The following CDK7 variants were observed in gnomAD, a reference collection of about 807,000 sequenced individuals.
The protein encoded by CDK7 is cyclin dependent kinase 7, also known as cyclin-dependent kinase 7.
Under a neutral mutation model 49.1 loss-of-function variants are expected in CDK7, and 25 were observed. The observed-to-expected ratio is 0.51, with a 90% confidence interval of 0.37 to 0.71. CDK7 has a LOEUF of 0.71. CDK7 is among the 30% of genes least tolerant of loss of function. The probability of loss-of-function intolerance (pLI) is 0.00; values close to 1 mark genes in which losing one functional copy is unlikely to be tolerated. For missense variants in CDK7, 316 were observed against 411.7 expected (o/e 0.77, Z 2.01); for synonymous variants, 107 against 140.0 (o/e 0.76, Z 1.67).
intron 8 of CDK7, among the ~76,000 whole-genome samples, chr5:69,267,483 A>T (rs1337312536): frequency 6.6e-6 from 1 of 151,524 alleles, no homozygotes; most frequent in African/African-American, 2.4e-5. Flanking sequence ...ATTTTTTAGT[A>T]AAAATGGTTT....
chr5:69,235,198 C>T (rs773886851), intron 1 of CDK7, 157 bp downstream of exon 1: 1 of 779,894 alleles, frequency 1.3e-6, no homozygotes, highest in Non-Finnish European at 2.2e-6. Flanking sequence ...TTCTTTACAT[C>T]CTGGGGGTGA....
intron 2 of CDK7, chr5:69,250,731 AT>A (rs1353331570): frequency 2.2e-6 from 1 of 455,952 alleles, no homozygotes; most frequent in Non-Finnish European, 4.4e-6. Flanking sequence ...CTTCCCTCTC[AT>A]TTTCTCAAAC....
intron 4 of CDK7, among the ~76,000 whole-genome samples, chr5:69,255,080 C>T (rs1462807282): frequency 6.6e-6 from 1 of 152,110 alleles, no homozygotes; most frequent in Non-Finnish European, 1.5e-5. Flanking sequence ...TAGTGCCTAC[C>T]ATAGAAAATG....
At chr5:69,254,104 A>AAAAT (rs1383987497) in intron 3 of CDK7, among the ~76,000 whole-genome samples, 1 of 152,206 alleles carries the variant, frequency 6.6e-6, no homozygotes, top group African/African-American at 2.4e-5. Context: ...CATCTCAAAA[A>AAAAT]AAATAAATAA....
At chr5:69,269,765 T>A (rs1037305926) in intron 9 of CDK7, among the ~76,000 whole-genome samples, 3 of 151,328 alleles carry the variant, frequency 2.0e-5, no homozygotes, top group African/African-American at 7.3e-5. Context: ...TTATTTTTTT[T>A]AATAGAGATG....
chr5:69,271,076 A>C (rs965711612), intron 9 of CDK7, among the ~76,000 whole-genome samples: 2 of 152,230 alleles, frequency 1.3e-5, no homozygotes, highest in African/African-American at 4.8e-5. Context: ...ACTGTTTTAC[A>C]TTCTCATCAG....
intron 9 of CDK7, among the ~76,000 whole-genome samples, chr5:69,271,250 G>A (rs1292525381): frequency 6.6e-6 from 1 of 151,966 alleles, no homozygotes. Flanking sequence ...GTGGTTATTT[G>A]CCATCTTTAG....
At chr5:69,251,028 C>T (rs887354377) in intron 2 of CDK7, among the ~76,000 whole-genome samples, 1 of 151,812 alleles carries the variant, frequency 6.6e-6, no homozygotes, top group Non-Finnish European at 1.5e-5. Context: ...CTCCTGGGCT[C>T]AAGCAATCCT....
At chr5:69,246,388 G>A (rs750723498) in intron 2 of CDK7, among the ~76,000 whole-genome samples, 10 of 151,992 alleles carry the variant, frequency 6.6e-5, no homozygotes, top group African/African-American at 2.4e-4. Context: ...GCCCGCCTCC[G>A]CCTTCCAAAG....
chr5:69,249,279 G>A (rs1438517789), intron 2 of CDK7, among the ~76,000 whole-genome samples: 1 of 152,090 alleles, frequency 6.6e-6, no homozygotes, highest in Admixed American at 6.6e-5. Flanking sequence ...AGTGGCTCAT[G>A]CCTGTAATCC....
At chr5:69,271,636 T>G (rs981535774) in intron 9 of CDK7, among the ~76,000 whole-genome samples, 2 of 151,838 alleles carry the variant, frequency 1.3e-5, no homozygotes, top group East Asian at 1.9e-4. Flanking sequence ...CTCAGCCTCT[T>G]GAGTAGCTGG....
intron 9 of CDK7, 110 bp downstream of exon 9, chr5:69,269,403 A>C (rs1751378521): frequency 1.5e-6 from 1 of 684,272 alleles, no homozygotes; most frequent in South Asian, 2.2e-5. Flanking sequence ...CATTCATTAT[A>C]ATATGTACTC....
At chr5:69,265,452 G>GAA (rs1751090354) in intron 8 of CDK7, among the ~76,000 whole-genome samples, 1 of 151,960 alleles carries the variant, frequency 6.6e-6, no homozygotes, top group African/African-American at 2.4e-5. Flanking sequence ...ACATAGAAAA[G>GAA]AAAATAAAGT....
intron 5 of CDK7, among the ~76,000 whole-genome samples, chr5:69,257,201 G>C (rs1750546091): frequency 6.6e-6 from 1 of 152,136 alleles, no homozygotes. Flanking sequence ...AAGTACAGAG[G>C]GGCCTCAGGG....
intron 2 of CDK7, among the ~76,000 whole-genome samples, chr5:69,236,809 G>A (rs1013559002): frequency 1.3e-5 from 2 of 151,424 alleles, no homozygotes; most frequent in Non-Finnish European, 1.5e-5. Flanking sequence ...CTGCCACCAC[G>A]CCCAGCTAAT....
intron 2 of CDK7, among the ~76,000 whole-genome samples, chr5:69,249,659 C>T (rs971604594): frequency 2.0e-5 from 3 of 152,130 alleles, no homozygotes; most frequent in African/African-American, 7.2e-5. Context: ...CCAGCCTGAC[C>T]AACATGGTGA....
intron 9 of CDK7, among the ~76,000 whole-genome samples, chr5:69,272,216 A>G (rs1301515254): frequency 6.6e-6 from 1 of 152,124 alleles, no homozygotes; most frequent in Non-Finnish European, 1.5e-5. Context: ...GTGGATTTCT[A>G]AGTCCTTTAT....
At chr5:69,252,484 A>G in intron 3 of CDK7, 33 bp downstream of exon 3, 1 of 1,067,824 alleles carries the variant, frequency 9.4e-7, no homozygotes. Context: ...CAGATAGGAA[A>G]AGTTTTCTCC....
intron 2 of CDK7, among the ~76,000 whole-genome samples, chr5:69,240,608 G>T (rs970412098): frequency 6.6e-6 from 1 of 152,178 alleles, no homozygotes; most frequent in Non-Finnish European, 1.5e-5. Flanking sequence ...AAAATGTTAA[G>T]AATTTTAAAA....
Sources: gnomAD v4.1 joint callset for allele counts (sites outside exome capture counted in the v4.1 genomes callset) on GRCh38, gnomAD v4.1.1 for gene constraint, MANE v1.5 for transcripts, NCBI Gene and HGNC (gene_info 2026-07-23, HGNC 2026-07-21) for gene names.